TMIGD2: variants seen among roughly 807,000 people sequenced by gnomAD.
The protein encoded by TMIGD2 is transmembrane and immunoglobulin domain-containing protein 2.
A neutral mutation model predicts 22.6 loss-of-function variants in TMIGD2; 18 were observed. The ratio of observed to expected loss-of-function variants is 0.80; its 90% CI spans 0.55 to 1.18. TMIGD2 has a LOEUF of 1.18. TMIGD2 is among the 50% of genes most tolerant of loss of function. The probability of loss-of-function intolerance (pLI) is 0.00; values close to 1 mark genes in which losing one functional copy is unlikely to be tolerated. For missense variants in TMIGD2, 361 were observed against 378.2 expected (o/e 0.95, Z 0.38); for synonymous variants, 184 against 154.1 (o/e 1.19, Z -1.44).
At chr19:4,293,477 G>A (rs998167144) in intron 4 of TMIGD2, among the ~76,000 whole-genome samples, 2 of 150,346 alleles carry the variant, frequency 1.3e-5, no homozygotes, top group African/African-American at 2.5e-5. Flanking sequence ...GGCCAGGCTG[G>A]TCTCGAACTC....
At chr19:4,297,502 TGG>T (rs1971476920) in intron 2 of TMIGD2, among the ~76,000 whole-genome samples, 1 of 152,302 alleles carries the variant, frequency 6.6e-6, no homozygotes, top group South Asian at 2.1e-4. Context: ...CCCAAAATGC[TGG>T]GATTACAAGC....
In TMIGD2 at chr19:4,294,682, T is replaced by C; in HGVS notation, c.449-2A>G. 1 of 1,587,058 alleles carries C rather than the reference T, an allele frequency of 6.3e-7. No homozygotes were observed. The highest frequency in any genetic ancestry group is 8.6e-7 in the Non-Finnish European group (1 of 1,166,042). ...CCCCCAGCAGCACGAAGAGGAATCCTGGGTAGGGGGAGAAGAGATGGTCTA... is the reference window on the plus strand; with the variant it reads ...CCCCCAGCAGCACGAAGAGGAATCCCGGGTAGGGGGAGAAGAGATGGTCTA... On this transcript the variant is annotated splice_acceptor_variant, in intron 3 of 4. Coordinates refer to ENST00000301272, the Ensembl canonical transcript of TMIGD2. LOFTEE classifies it high-confidence loss of function.
At chr19:4,297,535 G>C (rs1365262461) in intron 2 of TMIGD2, among the ~76,000 whole-genome samples, 1 of 152,130 alleles carries the variant, frequency 6.6e-6, no homozygotes, top group Non-Finnish European at 1.5e-5. Context: ...ATGCCTGGCT[G>C]ATGACTTTCA....
intron 2 of TMIGD2, among the ~76,000 whole-genome samples, chr19:4,295,953 G>T (rs1435179178): frequency 1.3e-5 from 2 of 152,060 alleles, no homozygotes; most frequent in African/African-American, 2.4e-5. Flanking sequence ...GGGTCGCTCT[G>T]TGTCACCCAG....
chr19:4,295,897 T>C (rs1971456041), intron 2 of TMIGD2, among the ~76,000 whole-genome samples: 1 of 152,154 alleles, frequency 6.6e-6, no homozygotes, highest in Non-Finnish European at 1.5e-5. Context: ...TCTCAGGCCC[T>C]GTGCTAAGCA....
At chr19:4,297,170 G>A (rs1971472268) in intron 2 of TMIGD2, among the ~76,000 whole-genome samples, 2 of 137,340 alleles carry the variant, frequency 1.5e-5, no homozygotes, top group South Asian at 2.5e-4. Context: ...TCCCCCTCCC[G>A]GATTCTCCTG....
chr19:4,292,799 T>A, exon 5 of TMIGD2: 2 of 1,613,284 alleles, frequency 1.2e-6, no homozygotes, highest in Non-Finnish European at 1.7e-6. Flanking sequence ...CTCTGGCCCC[T>A]CTGGTCCTTC....
At chr19:4,292,838 T>C in exon 5 of TMIGD2, 3 of 1,613,896 alleles carry the variant, frequency 1.9e-6, no homozygotes, top group South Asian at 1.1e-5. Flanking sequence ...TCACTCTTCT[T>C]TGGGGCCCCC....
chr19:4,293,260 CTTT>C (rs150388447), intron 4 of TMIGD2, among the ~76,000 whole-genome samples: 3 of 112,418 alleles, frequency 2.7e-5, no homozygotes, highest in Non-Finnish European at 5.3e-5. Context: ...CGCGCCCGGC[CTTT>C]TTTTTTTTTT....
At chr19:4,298,748 A>AT (rs1021430985) in intron 1 of TMIGD2, among the ~76,000 whole-genome samples, 4 of 151,718 alleles carry the variant, frequency 2.6e-5, no homozygotes, top group African/African-American at 9.7e-5. Flanking sequence ...AAAATTTAAC[A>AT]TAAAAAAAAA....
exon 2 of TMIGD2, chr19:4,298,121 C>T (rs773860843): frequency 8.1e-6 from 13 of 1,613,322 alleles, no homozygotes; most frequent in South Asian, 2.2e-5. Flanking sequence ...TGGCTGGGTG[C>T]CTGCCAGGAG....
rs991914983 is a variant in TMIGD2, at chr19:4,294,609, C to A, written c.520G>T (p.Gly174Cys). The A allele has an allele frequency of 7.5e-6, 12 of 1,610,610 alleles. No homozygotes were observed. In the African/African-American group the frequency reaches 1.6e-4, roughly 22 times the overall value. ...TCCCTTTGCTGGCAGCTGCGGCGGCCCCAGAACCAGGCACCCCACACGATC... is the reference window on the plus strand; with the variant it reads ...TCCCTTTGCTGGCAGCTGCGGCGGCACCAGAACCAGGCACCCCACACGATC... The change falls in exon 4 of 5, where the codon GGC becomes TGC. Residue 174 changes from glycine to cysteine, a missense_variant. By Grantham distance (159) the Gly-to-Cys change is radical. Transcript: ENST00000301272.
chr19:4,297,275 G>A (rs1212497671), intron 2 of TMIGD2, among the ~76,000 whole-genome samples: 1 of 151,920 alleles, frequency 6.6e-6, no homozygotes, highest in Non-Finnish European at 1.5e-5. Context: ...CATCATGTTG[G>A]CCAGGCTGGT....
At chr19:4,292,307 G>A (rs1971390498) in exon 5 of TMIGD2, 1 of 390,882 alleles carries the variant, frequency 2.6e-6, no homozygotes. Context: ...ATGAGGACGG[G>A]GTCTCAGGAT....
intron 2 of TMIGD2, 106 bp from the exon 3 acceptor site, chr19:4,294,922 G>T: frequency 8.3e-7 from 1 of 1,198,838 alleles, no homozygotes; most frequent in Non-Finnish European, 1.1e-6. Flanking sequence ...CAGGCTTTGT[G>T]GATTTGGGCA....
exon 5 of TMIGD2, chr19:4,292,379 T>C (rs917956989): frequency 3.0e-5 from 17 of 561,354 alleles, no homozygotes; most frequent in Non-Finnish European, 4.4e-5. Flanking sequence ...TCTCACTCTG[T>C]CGCCCAGGCT....
exon 5 of TMIGD2, chr19:4,292,754 G>A (rs369769262): frequency 1.4e-5 from 23 of 1,609,946 alleles, no homozygotes; most frequent in East Asian, 1.1e-4. Context: ...TGCGGCTGGC[G>A]GGGGGCCGGT....
chr19:4,301,104 C>G (rs1285292572), intron 1 of TMIGD2, among the ~76,000 whole-genome samples: 1 of 152,094 alleles, frequency 6.6e-6, no homozygotes, highest in Non-Finnish European at 1.5e-5. Context: ...TCTTGAGTAG[C>G]TGGGACTACA....
chr19:4,302,193 C>A, intron 1 of TMIGD2, 147 bp downstream of exon 1: 2 of 837,258 alleles, frequency 2.4e-6, no homozygotes, highest in East Asian at 5.8e-5. Flanking sequence ...ATCCTCCAGC[C>A]CCCATCACGT....
Sources: allele counts gnomAD v4.1 joint callset (sites outside exome capture counted in the v4.1 genomes callset), GRCh38; gene constraint gnomAD v4.1.1; transcripts MANE v1.5; gene names NCBI Gene and HGNC (gene_info 2026-07-23, HGNC 2026-07-21).